The following ADAMTS17 variants were observed in gnomAD, a reference collection of about 807,000 sequenced individuals.
ADAMTS17 encodes the protein A disintegrin and metalloproteinase with thrombospondin motifs 17.
In ADAMTS17, 113 loss-of-function variants were observed where a neutral mutation model predicts 141.5. That is an observed-to-expected ratio of 0.80 (90% CI 0.69 to 0.93). The LOEUF is 0.93. Ranked by LOEUF, ADAMTS17 falls within the 40% of genes least tolerant of loss-of-function variation. The pLI is 0.00. For missense variants in ADAMTS17, 1,659 were observed against 1,517.9 expected (o/e 1.09, Z -1.54); for synonymous variants, 768 against 630.6 (o/e 1.22, Z -3.27).
At chr15:99,999,401 G>A (rs549123841) in intron 18 of ADAMTS17, among the ~76,000 whole-genome samples, 1 of 152,178 alleles carries the variant, frequency 6.6e-6, no homozygotes, top group Non-Finnish European at 1.5e-5. Flanking sequence ...GGAAGGCCTC[G>A]CTGGGAAGTG....
intron 4 of ADAMTS17, among the ~76,000 whole-genome samples, chr15:100,278,329 A>AG (rs59637416): frequency 9.5e-6 from 1 of 105,008 alleles, no homozygotes; most frequent in South Asian, 2.6e-4. Context: ...TTCTACCACA[A>AG]AAAAAAAAAA....
intron 15 of ADAMTS17, among the ~76,000 whole-genome samples, chr15:100,090,242 G>A (rs1038886967): frequency 8.5e-5 from 13 of 152,100 alleles, no homozygotes; most frequent in Non-Finnish European, 1.6e-4. Context: ...AAAGTTGTTC[G>A]GGGTCAAAGT....
chr15:100,267,901 T>G (rs765128069), intron 4 of ADAMTS17, among the ~76,000 whole-genome samples: 3 of 152,268 alleles, frequency 2.0e-5, no homozygotes, highest in Non-Finnish European at 2.9e-5. Context: ...CTTTTAGTTA[T>G]TTTAAAATAT....
intron 10 of ADAMTS17, among the ~76,000 whole-genome samples, chr15:100,149,919 G>A (rs2039083666): frequency 6.6e-6 from 1 of 152,206 alleles, no homozygotes; most frequent in Non-Finnish European, 1.5e-5. Flanking sequence ...TTCCTCTAAA[G>A]AAAGTGTCAC....
At chr15:100,299,513 GAA>G (rs879384077) in intron 3 of ADAMTS17, among the ~76,000 whole-genome samples, 68 of 87,610 alleles carry the variant, frequency 7.8e-4, no homozygotes, top group African/African-American at 2.7e-3. Flanking sequence ...TGATGGAAAA[GAA>G]AAAAAAAAAA....
At chr15:100,212,628 G>A (rs2041844985) in intron 7 of ADAMTS17, among the ~76,000 whole-genome samples, 1 of 152,010 alleles carries the variant, frequency 6.6e-6, no homozygotes, top group African/African-American at 2.4e-5. Context: ...GATGAGCCAA[G>A]TCAGACCAAA....
chr15:100,052,285 T>C (rs2032207226), intron 16 of ADAMTS17, among the ~76,000 whole-genome samples: 1 of 152,248 alleles, frequency 6.6e-6, no homozygotes, highest in Non-Finnish European at 1.5e-5. Flanking sequence ...TCACTGGTGA[T>C]ACTGATTCTG....
chr15:100,258,211 A>C (rs2043392118), intron 6 of ADAMTS17, among the ~76,000 whole-genome samples: 1 of 152,108 alleles, frequency 6.6e-6, no homozygotes, highest in Non-Finnish European at 1.5e-5. Flanking sequence ...TCTGCTTTCA[A>C]TTATCTTGAA....
intron 20 of ADAMTS17, chr15:99,978,768 C>T (rs576697055): frequency 6.6e-6 from 1 of 152,236 alleles, no homozygotes; most frequent in Non-Finnish European, 1.5e-5. Context: ...CTGCATGCAG[C>T]TACCTGGTGA....
intron 8 of ADAMTS17, among the ~76,000 whole-genome samples, chr15:100,158,049 T>C (rs11638649): frequency 0.11 from 15,976 of 152,120 alleles, 905 homozygotes; most frequent in South Asian, 0.23. Flanking sequence ...CCAGCACGCC[T>C]GGCTAATTTT....
chr15:100,242,509 T>A (rs2042857812), intron 7 of ADAMTS17, among the ~76,000 whole-genome samples: 1 of 152,148 alleles, frequency 6.6e-6, no homozygotes, highest in African/African-American at 2.4e-5. Flanking sequence ...AGGGCTCTAA[T>A]TCACTCCCTG....
At chr15:100,263,174 G>GGCT (rs1567451408) in intron 4 of ADAMTS17, among the ~76,000 whole-genome samples, 1 of 152,110 alleles carries the variant, frequency 6.6e-6, no homozygotes, top group African/African-American at 2.4e-5. Flanking sequence ...TTCATGAAGG[G>GGCT]GCTGGGGGAG....
chr15:100,131,745 T>C (rs985395068), intron 12 of ADAMTS17, among the ~76,000 whole-genome samples: 2 of 152,128 alleles, frequency 1.3e-5, no homozygotes, highest in African/African-American at 2.4e-5. Flanking sequence ...CCGAAAACCT[T>C]TCCACTGAGG....
At chr15:100,072,727 C>T (rs2034069673) in intron 15 of ADAMTS17, among the ~76,000 whole-genome samples, 1 of 152,096 alleles carries the variant, frequency 6.6e-6, no homozygotes, top group Admixed American at 6.5e-5. Flanking sequence ...AAACTGGATC[C>T]CCTCCTTACA....
At chr15:100,094,336 G>T (rs1261839371) in intron 15 of ADAMTS17, among the ~76,000 whole-genome samples, 2 of 152,250 alleles carry the variant, frequency 1.3e-5, no homozygotes, top group East Asian at 3.9e-4. Flanking sequence ...ACAGGGGTCT[G>T]ACCTCACATT....
chr15:100,223,704 T>C (rs2042207965), intron 7 of ADAMTS17, among the ~76,000 whole-genome samples: 3 of 150,938 alleles, frequency 2.0e-5, no homozygotes, highest in Non-Finnish European at 2.9e-5. Context: ...TATACATGTA[T>C]ATATGTATAT....
At position 100,228,207 on chromosome 15, in the gene ADAMTS17, C is replaced by T. The variant is rs140371644; in HGVS notation, c.1075+25929G>A. Among the ~76,000 whole-genome samples the T allele has an allele frequency of 1.4e-3, 220 of 152,336 alleles. 1 individual carries two copies. The highest frequency in any genetic ancestry group is 5.0e-3 in the African/African-American group (207 of 41,578). ...ACATGGCTGACTCCTTCTCACAGTT[C>T]GGATCCTAGCCTTGATGTTACCATC... On this transcript the variant is annotated intron_variant, in intron 7 of 21. Transcript: ENST00000268070.
At chr15:100,016,857 G>A (rs2061299957) in intron 18 of ADAMTS17, among the ~76,000 whole-genome samples, 1 of 152,232 alleles carries the variant, frequency 6.6e-6, no homozygotes, top group African/African-American at 2.4e-5. Flanking sequence ...GCCAGGAGGT[G>A]ATGCTTTCCA....
At chr15:100,010,916 A>G (rs530390340) in intron 18 of ADAMTS17, among the ~76,000 whole-genome samples, 9 of 152,244 alleles carry the variant, frequency 5.9e-5, no homozygotes, top group South Asian at 2.1e-4. Context: ...CTGAAAAGTA[A>G]TATTATTCCC....
Sources: allele counts gnomAD v4.1 joint callset (sites outside exome capture counted in the v4.1 genomes callset), GRCh38; gene constraint gnomAD v4.1.1; transcripts MANE v1.5; gene names NCBI Gene and HGNC (gene_info 2026-07-23, HGNC 2026-07-21).